The following GRM7 variants were observed in gnomAD, a reference collection of about 807,000 sequenced individuals.
GRM7 encodes the protein glutamate metabotropic receptor 7.
In GRM7, 35 loss-of-function variants were observed where a neutral mutation model predicts 84.5. The observed-to-expected ratio is 0.41, with a 90% CI of 0.32 to 0.55. The LOEUF (loss-of-function observed/expected upper bound fraction) is 0.55, where lower values mean the gene tolerates loss of function less well. Ranked by LOEUF, GRM7 falls within the 20% of genes least tolerant of loss-of-function variation. The probability of loss-of-function intolerance (pLI) is 0.19; values close to 1 mark genes in which losing one functional copy is unlikely to be tolerated. For missense variants in GRM7, 1,003 were observed against 1,194.6 expected, an observed-to-expected ratio of 0.84 and a Z score of 2.36; for synonymous variants, 487 against 455.1, an observed-to-expected ratio of 1.07 and a Z score of -0.89.
intron 1 of GRM7, among the ~76,000 whole-genome samples, chr3:6,896,222 T>C (rs991583678): frequency 1.3e-5 from 2 of 152,172 alleles, no homozygotes; most frequent in Non-Finnish European, 2.9e-5. Context: ...TTCCCACGCC[T>C]GCCCCTTACT....
At chr3:7,236,742 T>C (rs1697362422) in intron 2 of GRM7, among the ~76,000 whole-genome samples, 1 of 152,192 alleles carries the variant, frequency 6.6e-6, no homozygotes, top group Non-Finnish European at 1.5e-5. Context: ...TGATATCTTT[T>C]CCAGAGCACT....
chr3:7,327,058 C>A (rs958865762), intron 4 of GRM7, among the ~76,000 whole-genome samples: 6 of 152,204 alleles, frequency 3.9e-5, no homozygotes, highest in Admixed American at 3.9e-4. Context: ...TGGCACATAA[C>A]AGGTGCTCGA....
At position 6,862,819 on chromosome 3, in the gene GRM7, C is replaced by A. The variant is rs1574938231; in HGVS notation, c.519+912C>A. ...TCCCGGAGCGAGGCATGAAGGCGCC[C>A]GTTGGGAGGCAGAGGGGTGCGTGAA... On this transcript the variant is annotated intron_variant, in intron 1 of 9. Transcript: ENST00000357716. This position sits in a 1 kb window ranked among gnomAD's most constrained non-coding sequence, Gnocchi z 5.2. The A allele has an allele frequency of 6.6e-6, 2 of 302,312 alleles. No homozygotes were observed. Among genetic ancestry groups the A allele is most frequent in the South Asian group, 4.8e-5 (2 of 41,758 alleles). 18.7% of individuals were successfully genotyped at this position (302,312 alleles called of 1,614,324 possible). A position where few individuals can be genotyped will look rare whatever the true frequency, so the allele number is the denominator to read the frequency against.
intron 2 of GRM7, among the ~76,000 whole-genome samples, chr3:7,243,287 G>GTATTTATT (rs1697629797): frequency 6.6e-6 from 1 of 152,100 alleles, no homozygotes; most frequent in African/African-American, 2.4e-5. Context: ...AGGTAAAACA[G>GTATTTATT]TATTTATTAC....
chr3:7,359,660 CTCTA>C (rs1277674752), intron 4 of GRM7, among the ~76,000 whole-genome samples: 1 of 148,042 alleles, frequency 6.8e-6, no homozygotes. Flanking sequence ...CTTTAAATGT[CTCTA>C]TCTAAGGAAC....
At chr3:7,640,835 A>T (rs996380009) in intron 8 of GRM7, among the ~76,000 whole-genome samples, 1 of 152,146 alleles carries the variant, frequency 6.6e-6, no homozygotes, top group Non-Finnish European at 1.5e-5. Context: ...TCCTAACTGA[A>T]GTCAAGATGA....
intron 2 of GRM7, among the ~76,000 whole-genome samples, chr3:7,178,376 G>T (rs1391014194): frequency 8.8e-5 from 13 of 147,920 alleles, no homozygotes; most frequent in Non-Finnish European, 1.5e-4. Context: ...TCAGATTTTG[G>T]TTTTTTTTTT....
rs552613508 is a variant in GRM7, at chr3:6,970,055, G to A, written c.519+108148G>A. On this transcript the variant is annotated intron_variant, in intron 1 of 9. Coordinates refer to ENST00000357716, the MANE Select transcript of GRM7 (RefSeq NM_000844.4). ...CACACCACCCGACTGCCTGCACTAA[G>A]TGAACTGGGCCAGAGGGTACATCTT... Among the ~76,000 whole-genome samples the A allele has an allele frequency of 2.6e-5, 4 of 152,322 alleles. No individual in the cohort carries two copies. In the South Asian group the frequency reaches 8.3e-4, roughly 32 times the overall value.
intron 8 of GRM7, among the ~76,000 whole-genome samples, chr3:7,645,787 C>G (rs1286459763): frequency 6.6e-6 from 1 of 152,086 alleles, no homozygotes; most frequent in Non-Finnish European, 1.5e-5. Flanking sequence ...TCAGCCTTTG[C>G]ATTTAGCCCC....
intron 1 of GRM7, among the ~76,000 whole-genome samples, chr3:7,010,230 T>C (rs1248859156): frequency 6.6e-6 from 1 of 152,126 alleles, no homozygotes; most frequent in Non-Finnish European, 1.5e-5. Context: ...GCAGGCAGAT[T>C]GCCTGAGCTC....
intron 1 of GRM7, among the ~76,000 whole-genome samples, chr3:7,058,972 C>T (rs1174667520): frequency 1.3e-5 from 2 of 151,766 alleles, no homozygotes; most frequent in African/African-American, 4.8e-5. Flanking sequence ...TATAAGCATG[C>T]CAGGGCAAAT....
chr3:6,879,506 G>T (rs1387397931), intron 1 of GRM7, among the ~76,000 whole-genome samples: 1 of 152,164 alleles, frequency 6.6e-6, no homozygotes, highest in Non-Finnish European at 1.5e-5. Flanking sequence ...ATATACAGGG[G>T]TAAAATGTTG....
intron 2 of GRM7, among the ~76,000 whole-genome samples, chr3:7,206,284 T>C (rs1696237272): frequency 6.6e-6 from 1 of 152,206 alleles, no homozygotes. Flanking sequence ...TATTAAATGT[T>C]CAGTGGGAGA....
chr3:7,476,230 T>C (rs992562201), intron 7 of GRM7, among the ~76,000 whole-genome samples: 1 of 152,154 alleles, frequency 6.6e-6, no homozygotes, highest in Non-Finnish European at 1.5e-5. Flanking sequence ...ACCCACAGGA[T>C]TATTGTGAGA....
intron 7 of GRM7, among the ~76,000 whole-genome samples, chr3:7,542,407 G>C (rs1377767223): frequency 6.6e-6 from 1 of 152,066 alleles, no homozygotes; most frequent in Admixed American, 6.6e-5. Flanking sequence ...ACTTCCTATA[G>C]CCTGCTCCCT....
rs138844526 is a variant in GRM7 at position 7,372,061 on chromosome 3, C to G, written c.1034-42962C>G. On this transcript the variant is annotated intron_variant, in intron 4 of 9. Transcript: ENST00000357716. ...TAGGAGAGAGGTCCAGTCAGACATT[C>G]TGTACCTACAGATGAGGGCCTCAAC... Among the ~76,000 whole-genome samples the G allele has an allele frequency of 6.6e-5, 10 of 152,238 alleles. No homozygotes were observed. In the East Asian group the frequency reaches 1.7e-3, roughly 27 times the overall value.
chr3:7,024,240 T>G (rs1695889712), intron 1 of GRM7, among the ~76,000 whole-genome samples: 1 of 152,168 alleles, frequency 6.6e-6, no homozygotes, highest in South Asian at 2.1e-4. Flanking sequence ...AAAACTCGTT[T>G]CCTCTATCTA....
At chr3:7,316,395 G>A (rs193231373) in intron 4 of GRM7, among the ~76,000 whole-genome samples, 1 of 152,160 alleles carries the variant, frequency 6.6e-6, no homozygotes, top group East Asian at 1.9e-4. Flanking sequence ...ATATCTAGGA[G>A]ACTGGTAATG....
chr3:6,921,373 C>T (rs959200922), intron 1 of GRM7, among the ~76,000 whole-genome samples: 3 of 152,252 alleles, frequency 2.0e-5, no homozygotes, highest in African/African-American at 4.8e-5. Context: ...CATCTAATGC[C>T]GGGCTGGTTT....
Sources: gnomAD v4.1 joint callset for allele counts (sites outside exome capture counted in the v4.1 genomes callset) on GRCh38, gnomAD v4.1.1 for gene constraint, Gnocchi (gnomAD v3.1) non-coding constraint, MANE v1.5 for transcripts, NCBI Gene and HGNC (gene_info 2026-07-23, HGNC 2026-07-21) for gene names.